The following CADM2 variants were observed in gnomAD, a reference collection of about 807,000 sequenced individuals.
CADM2 encodes the protein immunoglobulin superfamily member 4D.
In CADM2, 12 loss-of-function variants were observed where a neutral mutation model predicts 49.8. The observed-to-expected ratio is 0.24, with a 90% CI of 0.15 to 0.39. The LOEUF (loss-of-function observed/expected upper bound fraction) is 0.39, where lower values mean the gene tolerates loss of function less well. CADM2 is among the 10% of genes least tolerant of loss of function. The probability of loss-of-function intolerance (pLI) is 1.00; values close to 1 mark genes in which losing one functional copy is unlikely to be tolerated. For synonymous variants in CADM2, 214 were observed against 175.4 expected, an observed-to-expected ratio of 1.22 and a Z score of -1.74; for missense variants, 378 against 492.3, an observed-to-expected ratio of 0.77 and a Z score of 2.20.
At chr3:85,062,045 CTCTG>C (rs1307618502) in intron 1 of CADM2, among the ~76,000 whole-genome samples, 1 of 151,696 alleles carries the variant, frequency 6.6e-6, no homozygotes, top group African/African-American at 2.4e-5. Flanking sequence ...CTGTCTCTCT[CTCTG>C]TCTCTCTCTC....
chr3:85,035,567 A>G (rs2035178243), intron 1 of CADM2, among the ~76,000 whole-genome samples: 1 of 152,132 alleles, frequency 6.6e-6, no homozygotes, highest in Admixed American at 6.5e-5. Context: ...CTTAGATTTA[A>G]GTGTTTAATC....
intron 1 of CADM2, among the ~76,000 whole-genome samples, chr3:85,520,247 TAAA>T (rs971232153): frequency 2.0e-5 from 3 of 151,816 alleles, no homozygotes; most frequent in Admixed American, 6.6e-5. Context: ...AGTGTCCTTT[TAAA>T]AAAAGTAGCA....
chr3:85,369,572 C>G (rs1318129067), intron 1 of CADM2, among the ~76,000 whole-genome samples: 1 of 152,068 alleles, frequency 6.6e-6, no homozygotes, highest in Non-Finnish European at 1.5e-5. Flanking sequence ...GAGTTCGAGA[C>G]CAGCCTGACC....
intron 1 of CADM2, among the ~76,000 whole-genome samples, chr3:85,270,684 A>G (rs1486950359): frequency 6.6e-6 from 1 of 151,172 alleles, no homozygotes; most frequent in Non-Finnish European, 1.5e-5. Flanking sequence ...AGCAAGCAGA[A>G]GGAACTCGAA....
chr3:85,530,904 ACACACAC>A (rs1559890271), intron 1 of CADM2, among the ~76,000 whole-genome samples: 1 of 148,872 alleles, frequency 6.7e-6, no homozygotes, highest in African/African-American at 2.6e-5. Context: ...ACACACACAC[ACACACAC>A]ACAAAATTCA....
chr3:86,061,895 CTT>C (rs1738692243), intron 8 of CADM2, among the ~76,000 whole-genome samples: 1 of 150,686 alleles, frequency 6.6e-6, no homozygotes. Flanking sequence ...TTAGATGTTA[CTT>C]TTCCACATCA....
At chr3:85,205,051 T>C (rs1393395373) in intron 1 of CADM2, among the ~76,000 whole-genome samples, 2 of 151,138 alleles carry the variant, frequency 1.3e-5, no homozygotes, top group African/African-American at 2.4e-5. Flanking sequence ...AGGATCTTAC[T>C]CTGTCACCTA....
intron 1 of CADM2, among the ~76,000 whole-genome samples, chr3:85,695,710 C>T (rs1350369683): frequency 2.0e-5 from 3 of 151,938 alleles, no homozygotes; most frequent in Non-Finnish European, 2.9e-5. Context: ...AATTGTACTG[C>T]GATAAGCATA....
intron 1 of CADM2, among the ~76,000 whole-genome samples, chr3:85,326,969 A>T (rs1221464881): frequency 6.6e-6 from 1 of 152,154 alleles, no homozygotes; most frequent in Non-Finnish European, 1.5e-5. Flanking sequence ...AATAAAATAG[A>T]ATTAACATTG....
At chr3:85,057,772 A>G (rs1247500816) in intron 1 of CADM2, among the ~76,000 whole-genome samples, 2 of 152,286 alleles carry the variant, frequency 1.3e-5, no homozygotes, top group Non-Finnish European at 2.9e-5. Flanking sequence ...TTTCTATTAC[A>G]CAATAACTGA....
intron 1 of CADM2, among the ~76,000 whole-genome samples, chr3:85,103,600 A>G (rs1207168677): frequency 6.6e-6 from 1 of 152,222 alleles, no homozygotes. Context: ...AGTTCAGAAG[A>G]AAATGCATTT....
At chr3:86,060,247 T>C (rs1364587918) in intron 8 of CADM2, among the ~76,000 whole-genome samples, 2 of 148,652 alleles carry the variant, frequency 1.3e-5, no homozygotes, top group Non-Finnish European at 3.0e-5. Context: ...AAAGAGAAAA[T>C]GGCCTATATA....
intron 1 of CADM2, among the ~76,000 whole-genome samples, chr3:85,314,889 C>T (rs959871214): frequency 6.6e-6 from 1 of 152,138 alleles, no homozygotes; most frequent in Non-Finnish European, 1.5e-5. Flanking sequence ...TTTCCACTTT[C>T]CATGTAATAT....
chr3:85,162,918 A>T (rs1346238363), intron 1 of CADM2, among the ~76,000 whole-genome samples: 3 of 152,004 alleles, frequency 2.0e-5, no homozygotes, highest in African/African-American at 7.2e-5. Flanking sequence ...GTATATGGAG[A>T]TAGACATATT....
chr3:85,083,380 G>T (rs935230438), intron 1 of CADM2, among the ~76,000 whole-genome samples: 4 of 152,148 alleles, frequency 2.6e-5, no homozygotes, highest in African/African-American at 7.2e-5. Flanking sequence ...CATGAAGAAT[G>T]AATTTATTCC....
intron 1 of CADM2, among the ~76,000 whole-genome samples, chr3:85,390,170 C>A (rs1167469966): frequency 6.6e-6 from 1 of 151,934 alleles, no homozygotes; most frequent in African/African-American, 2.4e-5. Context: ...AGACCTCATG[C>A]TAGATTCTGA....
chr3:85,105,922 C>T (rs957992323), intron 1 of CADM2, among the ~76,000 whole-genome samples: 125 of 149,980 alleles, frequency 8.3e-4, no homozygotes, highest in Non-Finnish European at 1.6e-3. Flanking sequence ...GGAAGGGGAA[C>T]ATCACACTCT....
chr3:85,601,169 T>TACACACAC (rs1459878927), intron 1 of CADM2, among the ~76,000 whole-genome samples: 1 of 75,924 alleles, frequency 1.3e-5, no homozygotes, highest in Non-Finnish European at 2.6e-5. Flanking sequence ...TATATATATA[T>TACACACAC]ATATACACAC....
chr3:85,325,415 C>T (rs927323465), intron 1 of CADM2, among the ~76,000 whole-genome samples: 3 of 152,038 alleles, frequency 2.0e-5, no homozygotes, highest in African/African-American at 7.2e-5. Context: ...AATTACTTTT[C>T]TAAAGTATGA....
Sources: allele counts gnomAD v4.1 joint callset (sites outside exome capture counted in the v4.1 genomes callset), GRCh38; gene constraint gnomAD v4.1.1; transcripts MANE v1.5; gene names NCBI Gene and HGNC (gene_info 2026-07-23, HGNC 2026-07-21).